SPOCK3: variants seen among roughly 807,000 people sequenced by gnomAD.
SPOCK3 encodes the protein testican-3.
SPOCK3 carries 30 observed loss-of-function variants against 56.6 expected under a neutral mutation model. The ratio of observed to expected loss-of-function variants is 0.53; its 90% CI spans 0.40 to 0.72. The LOEUF is 0.72. Among genes scored for constraint, SPOCK3 ranks in the 30% least tolerant of loss-of-function variants. SPOCK3 has a pLI of 0.00. For missense variants in SPOCK3, 527 were observed against 530.0 expected (o/e 0.99, Z 0.06); for synonymous variants, 196 against 183.3 (o/e 1.07, Z -0.56).
At chr4:167,169,661 A>G (rs1167513544) in intron 2 of SPOCK3, among the ~76,000 whole-genome samples, 1 of 152,018 alleles carries the variant, frequency 6.6e-6, no homozygotes, top group Non-Finnish European at 1.5e-5. Context: ...ATTAGTTTAG[A>G]ATTTAGGGGA....
intron 4 of SPOCK3, among the ~76,000 whole-genome samples, chr4:166,949,314 T>G (rs1742194250): frequency 6.6e-6 from 1 of 152,232 alleles, no homozygotes; most frequent in Non-Finnish European, 1.5e-5. Context: ...TGTAGTTTGA[T>G]CGTCTGAAGC....
chr4:166,880,694 CTCCTT>C (rs1416408402), intron 6 of SPOCK3, among the ~76,000 whole-genome samples: 1 of 152,172 alleles, frequency 6.6e-6, no homozygotes, highest in Non-Finnish European at 1.5e-5. Flanking sequence ...TAATTCTCCT[CTCCTT>C]TCCTAAAGTC....
At chr4:167,051,014 T>C (rs1386421345) in intron 3 of SPOCK3, among the ~76,000 whole-genome samples, 1 of 152,238 alleles carries the variant, frequency 6.6e-6, no homozygotes, top group South Asian at 2.1e-4. Flanking sequence ...TAACAATGAT[T>C]GCAAAACGAT....
chr4:166,746,662 C>CA (rs1301458018), intron 8 of SPOCK3, among the ~76,000 whole-genome samples: 9 of 151,908 alleles, frequency 5.9e-5, no homozygotes, highest in African/African-American at 1.5e-4. Flanking sequence ...GATAAAGACA[C>CA]AAAATCCCTT....
At chr4:166,812,327 T>A (rs766557345) in intron 6 of SPOCK3, among the ~76,000 whole-genome samples, 1 of 151,938 alleles carries the variant, frequency 6.6e-6, no homozygotes, top group Non-Finnish European at 1.5e-5. Flanking sequence ...TAACAAATGC[T>A]GTTTAATTTA....
intron 2 of SPOCK3, among the ~76,000 whole-genome samples, chr4:167,101,607 T>A (rs1201076387): frequency 2.6e-5 from 4 of 152,000 alleles, no homozygotes; most frequent in Non-Finnish European, 5.9e-5. Context: ...AATGGAAACA[T>A]CCTCCTCACC....
At chr4:166,841,069 C>T (rs1002156327) in intron 6 of SPOCK3, among the ~76,000 whole-genome samples, 14 of 151,812 alleles carry the variant, frequency 9.2e-5, no homozygotes, top group East Asian at 3.9e-4. Flanking sequence ...TAAGCCCCCA[C>T]GCCCGGCCCG....
chr4:167,074,902 C>T (rs34871472), intron 2 of SPOCK3, among the ~76,000 whole-genome samples: 3,571 of 151,904 alleles, frequency 0.024, 78 homozygotes, highest in Middle Eastern at 0.061. Flanking sequence ...ACATAGAGTA[C>T]GTACAATGTT....
At chr4:166,817,815 G>A (rs954137763) in intron 6 of SPOCK3, among the ~76,000 whole-genome samples, 6 of 152,032 alleles carry the variant, frequency 3.9e-5, no homozygotes, top group African/African-American at 1.4e-4. Context: ...TCAGGAGGAG[G>A]AGTGGATTAA....
intron 2 of SPOCK3, among the ~76,000 whole-genome samples, chr4:167,220,183 G>T (rs1580667404): frequency 1.3e-5 from 2 of 152,062 alleles, no homozygotes; most frequent in African/African-American, 4.8e-5. Context: ...GTGAATCCTA[G>T]AATTTAATTA....
intron 2 of SPOCK3, among the ~76,000 whole-genome samples, chr4:167,095,235 G>A (rs879532393): frequency 1.1e-4 from 16 of 152,052 alleles, no homozygotes; most frequent in Admixed American, 1.0e-3. Flanking sequence ...TAGTCAAGCT[G>A]ACACATAAAA....
intron 2 of SPOCK3, among the ~76,000 whole-genome samples, chr4:167,205,381 A>T (rs374455890): frequency 0.14 from 5,882 of 42,552 alleles, 653 homozygotes; most frequent in African/African-American, 0.25. Context: ...TATATATATA[A>T]TATATATATT....
intron 2 of SPOCK3, among the ~76,000 whole-genome samples, chr4:167,147,741 T>C (rs1764087938): frequency 6.6e-6 from 1 of 152,062 alleles, no homozygotes; most frequent in Admixed American, 6.6e-5. Flanking sequence ...TTCTCACTCA[T>C]AAGTGAGACT....
intron 4 of SPOCK3, among the ~76,000 whole-genome samples, chr4:166,945,593 C>A (rs1448674610): frequency 6.6e-6 from 1 of 152,132 alleles, no homozygotes; most frequent in African/African-American, 2.4e-5. Flanking sequence ...CACTTATTTT[C>A]TCACCCTCTC....
chr4:167,009,539 A>G (rs1388397179), intron 3 of SPOCK3, among the ~76,000 whole-genome samples: 1 of 152,216 alleles, frequency 6.6e-6, no homozygotes, highest in Non-Finnish European at 1.5e-5. Context: ...GAAACCAGTT[A>G]CAAATTCTAA....
intron 2 of SPOCK3, among the ~76,000 whole-genome samples, chr4:167,182,320 T>C (rs1040503256): frequency 6.8e-6 from 1 of 147,818 alleles, no homozygotes; most frequent in Admixed American, 6.9e-5. Context: ...ACTAACATGA[T>C]CCCCCCCAAT....
intron 4 of SPOCK3, among the ~76,000 whole-genome samples, chr4:166,996,188 C>A (rs530992296): frequency 6.6e-6 from 1 of 151,922 alleles, no homozygotes; most frequent in Non-Finnish European, 1.5e-5. Flanking sequence ...CTTCCTTATT[C>A]TTTTTTTTCT....
chr4:166,807,435 G>A (rs1273072189), intron 6 of SPOCK3, among the ~76,000 whole-genome samples: 2 of 152,080 alleles, frequency 1.3e-5, no homozygotes, highest in Admixed American at 6.6e-5. Context: ...AAAGTCATGC[G>A]TGGAGCACTG....
chr4:166,765,828 G>A (rs1737950461), intron 7 of SPOCK3, among the ~76,000 whole-genome samples: 1 of 152,242 alleles, frequency 6.6e-6, no homozygotes. Flanking sequence ...AGCATGGAAT[G>A]TTCTTCCATT....
Sources: allele counts gnomAD v4.1 joint callset (sites outside exome capture counted in the v4.1 genomes callset), GRCh38; gene constraint gnomAD v4.1.1; transcripts MANE v1.5; gene names NCBI Gene and HGNC (gene_info 2026-07-23, HGNC 2026-07-21).